CDH23: variants seen among roughly 807,000 people sequenced by gnomAD.
CDH23 encodes the protein cadherin-23.
In CDH23, 189 loss-of-function variants were observed where a neutral mutation model predicts 317.1. The observed-to-expected ratio is 0.60, with a 90% confidence interval of 0.53 to 0.67. The LOEUF is 0.67. CDH23 is among the 30% of genes least tolerant of loss of function. The pLI is 0.00. For missense variants in CDH23, 4,401 were observed against 4,592.4 expected (o/e 0.96, Z 1.20); for synonymous variants, 1,839 against 1,876.8 (o/e 0.98, Z 0.52).
chr10:71,472,271 G>A (rs947819916), intron 3 of CDH23, among the ~76,000 whole-genome samples: 1 of 152,158 alleles, frequency 6.6e-6, no homozygotes, highest in African/African-American at 2.4e-5. Flanking sequence ...TCTCTCCTCG[G>A]GTGGTAGCTC....
At chr10:71,810,597 C>A in intron 62 of CDH23, 28 bp downstream of exon 62, 2 of 1,605,082 alleles carry the variant, frequency 1.2e-6, no homozygotes, top group Non-Finnish European at 1.7e-6. Context: ...TTTGGACTGT[C>A]AGCCTGTCTG....
In CDH23 at chr10:71,792,837, AAAAAAAAAAAAAAAAATATAT is replaced by A. The variant is rs1222033702; in HGVS notation, c.6254-343_6254-323del. On this transcript the variant is annotated intron_variant, in intron 47 of 69. Coordinates refer to ENST00000224721, the MANE Select transcript of CDH23 (RefSeq NM_022124.6). Reference sequence around the variant, plus strand: ...ACTCCATCTAAAAAAAAAAAAAAAAAAAAAAAAAAAAAAAAATATATATATATATATATATATATGTCTCAA... The same window carrying A: ...ACTCCATCTAAAAAAAAAAAAAAAAAATATATATATATATATATGTCTCAA... Among the ~76,000 whole-genome samples the A allele has an allele frequency of 1.1e-3, 90 of 78,536 alleles. 1 individual carries two copies. The highest frequency in any genetic ancestry group is 3.7e-3 in the East Asian group (9 of 2,408). 51.5% of individuals were successfully genotyped at this position (78,536 alleles called of 152,430 possible).
In CDH23 at chr10:71,734,157, A is replaced by G. The variant is rs146157152; in HGVS notation, c.4105-83A>G. On this transcript the variant is annotated intron_variant, in intron 32 of 69. Transcript: ENST00000224721. ...AGTTATGCCGGACAGAGGAAGTGAC[A>G]TGGAGGTGGAAAAGTGGGCAGAATG... 4.6e-3 allele frequency: 5,048 copies of G among 1,097,340 alleles called. 17 individuals carry two copies. The highest frequency in any genetic ancestry group is 5.7e-3 in the Non-Finnish European group (4,168 of 732,072). The allele number at this position is 1,097,340 out of a possible 1,614,324, so 68.0% of individuals were successfully genotyped here.
At chr10:71,513,331 G>A (rs1434600944) in intron 6 of CDH23, among the ~76,000 whole-genome samples, 1 of 152,112 alleles carries the variant, frequency 6.6e-6, no homozygotes, top group Non-Finnish European at 1.5e-5. Flanking sequence ...CACCTGAGCT[G>A]GAAACTAGCT....
chr10:71,556,478 G>A (rs1044400347), intron 6 of CDH23, among the ~76,000 whole-genome samples: 2 of 152,086 alleles, frequency 1.3e-5, no homozygotes, highest in African/African-American at 4.8e-5. Context: ...ACACAAGCCT[G>A]TAATCCCAGC....
At chr10:71,713,736 G>T (rs1342943710) in intron 28 of CDH23, 1 of 168,012 alleles carries the variant, frequency 6.0e-6, no homozygotes, top group African/African-American at 2.4e-5. Flanking sequence ...CCAATTGAGA[G>T]CCCTCCCCCT....
chr10:71,758,350 G>T (rs973405014), intron 38 of CDH23, among the ~76,000 whole-genome samples: 16 of 152,186 alleles, frequency 1.1e-4, no homozygotes, highest in African/African-American at 3.6e-4. Context: ...AGCAGGGGCT[G>T]GTCCCCACTG....
chr10:71,778,321 G>A lies in CDH23; in HGVS notation c.5187+13G>A. 6.2e-7 allele frequency: 1 copy of A among 1,613,784 alleles called. No homozygotes were observed. Among genetic ancestry groups the A allele is most frequent in the South Asian group, 1.1e-5 (1 of 91,036 alleles). ...CTCTACCACCACGGTGGGTGCATGG[G>A]ACACAGCCCCAACTTGGGCTTGGAG... is the stretch of plus-strand genomic sequence containing the variant. On this transcript the variant is annotated intron_variant, in intron 40 of 69. Transcript: ENST00000224721.
intron 1 of CDH23, among the ~76,000 whole-genome samples, chr10:71,434,947 C>T (rs1332073078): frequency 1.3e-5 from 2 of 152,238 alleles, no homozygotes; most frequent in Non-Finnish European, 2.9e-5. Flanking sequence ...TTACCTCCTG[C>T]TGGCCCAGCA....
chr10:71,716,127 C>T (rs1378418145), intron 28 of CDH23: 1 of 1,549,492 alleles, frequency 6.5e-7, no homozygotes, highest in Non-Finnish European at 8.7e-7. Flanking sequence ...CACTCGTGAG[C>T]CCTGCGGCGG....
chr10:71,584,633 T>A (rs1341058917), intron 9 of CDH23, among the ~76,000 whole-genome samples: 1 of 150,972 alleles, frequency 6.6e-6, no homozygotes, highest in Non-Finnish European at 1.5e-5. Context: ...CCCCCACATA[T>A]GCCAATAACT....
chr10:71,560,044 G>A (rs1857052392), intron 6 of CDH23, among the ~76,000 whole-genome samples: 1 of 152,106 alleles, frequency 6.6e-6, no homozygotes, highest in African/African-American at 2.4e-5. Flanking sequence ...GTGCCTTCCT[G>A]CCTATTTGAG....
intron 3 of CDH23, among the ~76,000 whole-genome samples, chr10:71,487,648 A>G (rs1007727664): frequency 1.3e-5 from 2 of 152,172 alleles, no homozygotes; most frequent in Non-Finnish European, 1.5e-5. Flanking sequence ...GTGGGGCCTA[A>G]CTGCTCACTT....
intron 6 of CDH23, among the ~76,000 whole-genome samples, chr10:71,519,963 AT>A (rs763727176): frequency 2.1e-4 from 32 of 151,690 alleles, no homozygotes; most frequent in Admixed American, 8.5e-4. Flanking sequence ...TAATTTTTGT[AT>A]TTTTTGTAGG....
At chr10:71,555,223 C>T (rs759554839) in intron 6 of CDH23, among the ~76,000 whole-genome samples, 32 of 152,102 alleles carry the variant, frequency 2.1e-4, no homozygotes, top group African/African-American at 6.8e-4. Context: ...GCCCAGCCCA[C>T]GAGGGAGGGG....
At chr10:71,641,298 G>A (rs536563809) in intron 11 of CDH23, among the ~76,000 whole-genome samples, 43 of 152,288 alleles carry the variant, frequency 2.8e-4, no homozygotes, top group East Asian at 7.7e-4. Flanking sequence ...TTTTTAGAAC[G>A]CCACTGGTGA....
At position 71,802,932 on chromosome 10, in the gene CDH23, G is replaced by A. The variant is rs727502932; in HGVS notation, c.7517G>A (p.Arg2506Gln). ...VIQVLDVNDC[R>Q]PQFSKPQFST... ...CAAGTGCTGGATGTCAATGACTGCC[G>A]GCCACAGTTCTCCAAGCCCCAGTTC... Residue 2506 changes from arginine to glutamine, a missense_variant, in exon 54 of 70, where the codon CGG (arginine) becomes CAG (glutamine). Transcript: ENST00000224721. The A allele has an allele frequency of 2.7e-5, 44 of 1,613,868 alleles. No individual in the cohort carries two copies. Among genetic ancestry groups the A allele is most frequent in the Non-Finnish European group, 3.1e-5 (37 of 1,179,894 alleles).
chr10:71,606,815 C>T (rs1274547356), intron 9 of CDH23, among the ~76,000 whole-genome samples: 6 of 152,114 alleles, frequency 3.9e-5, no homozygotes, highest in Admixed American at 3.9e-4. Flanking sequence ...CCTGAATGCA[C>T]ACAGAAGAGA....
intron 2 of CDH23, among the ~76,000 whole-genome samples, chr10:71,443,100 T>C (rs1849975281): frequency 1.3e-5 from 2 of 152,198 alleles, no homozygotes; most frequent in South Asian, 4.1e-4. Flanking sequence ...GGGGGCACTC[T>C]GAGGATCTCT....
Sources: allele counts gnomAD v4.1 joint callset (sites outside exome capture counted in the v4.1 genomes callset), GRCh38; gene constraint gnomAD v4.1.1; transcripts MANE v1.5; gene names NCBI Gene and HGNC (gene_info 2026-07-23, HGNC 2026-07-21).